FHOD3: variants seen among roughly 807,000 people sequenced by gnomAD.
The protein encoded by FHOD3 is FH1/FH2 domain-containing protein 3.
In FHOD3, 90 loss-of-function variants were observed where a neutral mutation model predicts 173.0. The observed-to-expected ratio is 0.52, with a 90% CI of 0.44 to 0.62. The LOEUF (loss-of-function observed/expected upper bound fraction) is 0.62, where lower values mean the gene tolerates loss of function less well. Ranked by LOEUF, FHOD3 falls within the 20% of genes least tolerant of loss-of-function variation. The pLI, the probability that FHOD3 is intolerant of heterozygous loss-of-function variation, is 0.00. For missense variants in FHOD3, 1,945 were observed against 2,034.7 expected, an observed-to-expected ratio of 0.96 and a Z score of 0.85; for synonymous variants, 828 against 823.0, an observed-to-expected ratio of 1.01 and a Z score of -0.10.
intron 2 of FHOD3, among the ~76,000 whole-genome samples, chr18:36,359,015 A>G (rs1009677837): frequency 3.9e-5 from 6 of 152,186 alleles, no homozygotes; most frequent in African/African-American, 1.4e-4. Flanking sequence ...GATGTGTGGC[A>G]TTTGACAAAG....
intron 3 of FHOD3, among the ~76,000 whole-genome samples, chr18:36,432,878 G>T (rs1025488630): frequency 6.6e-6 from 1 of 152,210 alleles, no homozygotes; most frequent in African/African-American, 2.4e-5. Context: ...CCTTTTAAAT[G>T]TAAAGCCATA....
chr18:36,637,925 A>G (rs1168008406), intron 10 of FHOD3, among the ~76,000 whole-genome samples: 1 of 152,226 alleles, frequency 6.6e-6, no homozygotes, highest in Admixed American at 6.5e-5. Context: ...GAAATGCACA[A>G]TACCAATACC....
At chr18:36,517,551 T>A (rs2056059273) in intron 5 of FHOD3, among the ~76,000 whole-genome samples, 1 of 152,232 alleles carries the variant, frequency 6.6e-6, no homozygotes, top group South Asian at 2.1e-4. Flanking sequence ...CCTTTCTGGC[T>A]GTAACTCAAG....
At chr18:36,582,439 C>G (rs530016120) in intron 6 of FHOD3, among the ~76,000 whole-genome samples, 1 of 152,200 alleles carries the variant, frequency 6.6e-6, no homozygotes, top group Non-Finnish European at 1.5e-5. Flanking sequence ...CTTCTAGATG[C>G]AGAGGGATCA....
rs751932074 is a variant in FHOD3 at position 36,372,727 on chromosome 18, G to A, written c.320G>A (p.Arg107Lys). The A allele has an allele frequency of 1.2e-5, 20 of 1,614,008 alleles. No individual in the cohort carries two copies. The South Asian group carries it at 2.2e-4, about 18-fold the overall frequency. ...SIILRTQLSV[R>K]VHACIEKLYN... ...ATCCTAAGGACGCAGCTGTCTGTGA[G>A]GGTCCATGCCTGCATCGGTGAGTGA... Residue 107 changes from arginine (R) to lysine (K), a missense_variant, in exon 3 of 29, where the codon AGG (arginine) becomes AAG (lysine). By Grantham distance (26) the Arg-to-Lys change is conservative. Coordinates refer to ENST00000590592, the MANE Select transcript of FHOD3 (RefSeq NM_001281740.3).
chr18:36,643,838 T>C (rs1338298663), intron 10 of FHOD3, among the ~76,000 whole-genome samples: 1 of 152,230 alleles, frequency 6.6e-6, no homozygotes, highest in Non-Finnish European at 1.5e-5. Context: ...ATTGCAAATG[T>C]CTGCTCCCAG....
intron 19 of FHOD3, among the ~76,000 whole-genome samples, chr18:36,726,473 C>T (rs2041076320): frequency 6.6e-6 from 1 of 152,164 alleles, no homozygotes; most frequent in Non-Finnish European, 1.5e-5. Context: ...TCACATCTCA[C>T]TCCCTCTTTC....
At chr18:36,450,644 T>A (rs1179637780) in intron 3 of FHOD3, among the ~76,000 whole-genome samples, 2 of 151,214 alleles carry the variant, frequency 1.3e-5, no homozygotes, top group Non-Finnish European at 2.9e-5. Context: ...ATAAAAATAA[T>A]TAGCTGGGCA....
At chr18:36,730,529 C>A in intron 19 of FHOD3, 117 bp from the exon 20 acceptor site, 1 of 987,168 alleles carries the variant, frequency 1.0e-6, no homozygotes. Flanking sequence ...CTTCTCTGAG[C>A]TGAACTGGGG....
At chr18:36,393,202 A>G (rs967018050) in intron 3 of FHOD3, among the ~76,000 whole-genome samples, 2 of 152,232 alleles carry the variant, frequency 1.3e-5, no homozygotes, top group Non-Finnish European at 2.9e-5. Flanking sequence ...TTAGAGTTAA[A>G]CAAACGTAAT....
At chr18:36,683,066 C>G (rs749013525) in intron 15 of FHOD3, among the ~76,000 whole-genome samples, 5 of 152,222 alleles carry the variant, frequency 3.3e-5, no homozygotes, top group Non-Finnish European at 7.3e-5. Context: ...AAACCAACAT[C>G]ATTTCCCATC....
rs541892262 is a variant in FHOD3 at position 36,666,722 on chromosome 18, C to T, written c.1835+8534C>T. Reference sequence around the variant, plus strand: ...GGAAACATCGAAGGTTTGCATCTTTCGCAAATAAGATTTTACTTAACTTGA... The same window carrying T: ...GGAAACATCGAAGGTTTGCATCTTTTGCAAATAAGATTTTACTTAACTTGA... On this transcript the variant is annotated intron_variant, in intron 14 of 28. Coordinates refer to ENST00000590592, the MANE Select transcript of FHOD3 (RefSeq NM_001281740.3). Among the ~76,000 whole-genome samples, 12 of 152,266 alleles carry T rather than the reference C, an allele frequency of 7.9e-5. No homozygotes were observed. The East Asian group carries it at 1.5e-3, about 20-fold the overall frequency.
intron 16 of FHOD3, 103 bp downstream of exon 16, chr18:36,687,281 TA>T: frequency 3.5e-6 from 3 of 858,354 alleles, no homozygotes; most frequent in Non-Finnish European, 1.9e-6. Flanking sequence ...CTGCTTCACC[TA>T]AAACCTTACA....
In FHOD3 at chr18:36,458,446, C is replaced by T. The variant is rs534494356; in HGVS notation, c.338-43486C>T. Among the ~76,000 whole-genome samples, 47 of 152,186 alleles carry T rather than the reference C, an allele frequency of 3.1e-4. No individual in the cohort carries two copies. The South Asian group carries it at 8.9e-3, about 29-fold the overall frequency. On this transcript the variant is annotated intron_variant, in intron 3 of 28. Coordinates refer to ENST00000590592, the MANE Select transcript of FHOD3 (RefSeq NM_001281740.3). ...CAACCACTCACCTACCCTTCCTCAC[C>T]TCTACAAGTGTGTGCATATCATGGG...
intron 1 of FHOD3, among the ~76,000 whole-genome samples, chr18:36,323,267 T>G (rs2145010899): frequency 6.6e-6 from 1 of 152,322 alleles, no homozygotes; most frequent in East Asian, 1.9e-4. Flanking sequence ...GGGGAATGCC[T>G]CCACGTAACA....
chr18:36,576,700 C>T (rs1167234555), intron 6 of FHOD3, among the ~76,000 whole-genome samples, 155 bp downstream of exon 6: 1 of 152,288 alleles, frequency 6.6e-6, no homozygotes, highest in South Asian at 2.1e-4. Flanking sequence ...TTTTAAGATA[C>T]ACTTAAATTG....
At chr18:36,391,466 G>A (rs2048296506) in intron 3 of FHOD3, among the ~76,000 whole-genome samples, 1 of 152,158 alleles carries the variant, frequency 6.6e-6, no homozygotes, top group Non-Finnish European at 1.5e-5. Context: ...GGGTCCTACA[G>A]GGGATATACC....
intron 14 of FHOD3, among the ~76,000 whole-genome samples, chr18:36,670,573 C>T (rs938124387): frequency 1.8e-4 from 28 of 152,118 alleles, no homozygotes; most frequent in Non-Finnish European, 2.9e-5. Flanking sequence ...TAAATATTTT[C>T]TCTAGCTTCT....
At chr18:36,514,979 A>C (rs1282781781) in intron 5 of FHOD3, among the ~76,000 whole-genome samples, 5 of 152,210 alleles carry the variant, frequency 3.3e-5, no homozygotes, top group African/African-American at 9.6e-5. Flanking sequence ...GGGAGTTCGG[A>C]AAGAAAACTC....
Sources: gnomAD v4.1 joint callset for allele counts (sites outside exome capture counted in the v4.1 genomes callset) on GRCh38, gnomAD v4.1.1 for gene constraint, MANE v1.5 for transcripts, NCBI Gene and HGNC (gene_info 2026-07-23, HGNC 2026-07-21) for gene names.